PRKCE: variants seen among roughly 807,000 people sequenced by gnomAD.
PRKCE encodes the protein protein kinase C epsilon type.
PRKCE carries 16 observed loss-of-function variants against 85.4 expected under a neutral mutation model. The observed-to-expected ratio is 0.19, with a 90% CI of 0.13 to 0.28. The LOEUF (loss-of-function observed/expected upper bound fraction) is 0.28. PRKCE is among the 10% of genes least tolerant of loss of function. The probability of loss-of-function intolerance (pLI) is 1.00; values close to 1 mark genes in which losing one functional copy is unlikely to be tolerated. For synonymous variants in PRKCE, 388 were observed against 371.5 expected (o/e 1.04, Z -0.51); for missense variants, 573 against 975.2 (o/e 0.59, Z 5.49).
At chr2:46,085,466 C>T (rs1669504659) in intron 10 of PRKCE, among the ~76,000 whole-genome samples, 1 of 152,156 alleles carries the variant, frequency 6.6e-6, no homozygotes, top group Non-Finnish European at 1.5e-5. Flanking sequence ...CATCACTGGG[C>T]CTACATGAAG....
intron 1 of PRKCE, among the ~76,000 whole-genome samples, chr2:45,686,716 A>G (rs1339244288): frequency 6.6e-6 from 1 of 152,226 alleles, no homozygotes; most frequent in Non-Finnish European, 1.5e-5. Context: ...TACTGAATAT[A>G]GTTTAATATA....
intron 1 of PRKCE, among the ~76,000 whole-genome samples, chr2:45,841,223 A>G (rs1330411528): frequency 6.6e-6 from 1 of 152,238 alleles, no homozygotes; most frequent in African/African-American, 2.4e-5. Flanking sequence ...GTTTATTAGG[A>G]GAATTGACTC....
In PRKCE at chr2:45,693,141, G is replaced by A. The variant is rs553139275; in HGVS notation, c.348+40693G>A. On this transcript the variant is annotated intron_variant, in intron 1 of 14. Coordinates refer to ENST00000306156, the MANE Select transcript of PRKCE (RefSeq NM_005400.3). ...AGGGGAGTGAAGTAGGTGGGAGGTG[G>A]CAATGGATGGGTGGGTGGGAGAAGG... Among the ~76,000 whole-genome samples, 4 of 152,092 alleles carry A rather than the reference G, an allele frequency of 2.6e-5. No individual in the cohort carries two copies. The South Asian group carries it at 8.3e-4, about 32-fold the overall frequency.
chr2:45,907,200 A>T lies in PRKCE; in HGVS notation c.412+64137A>T, dbSNP rs561987489. 1.3e-5 allele frequency among the ~76,000 whole-genome samples: 2 copies of T among 152,242 alleles called. No homozygotes were observed. The highest frequency in any genetic ancestry group is 4.8e-5 in the African/African-American group (2 of 41,460). ...GGAAAGAAAGCCCGAGAGAAGAGAA[A>T]AATGAAGCTTTAACTATCACAGAGC... On this transcript the variant is annotated intron_variant, in intron 2 of 14. Transcript: ENST00000306156. The surrounding 1 kb of genome is among the most constrained non-coding windows in gnomAD (Gnocchi z 4.5).
chr2:45,798,890 G>T (rs867818655), intron 1 of PRKCE, among the ~76,000 whole-genome samples: 2 of 151,716 alleles, frequency 1.3e-5, no homozygotes, highest in Non-Finnish European at 2.9e-5. Flanking sequence ...AGCATTGGCC[G>T]GGCACGGTGG....
chr2:45,769,347 G>T (rs375688189), intron 1 of PRKCE, among the ~76,000 whole-genome samples: 6 of 151,986 alleles, frequency 3.9e-5, no homozygotes, highest in Admixed American at 3.3e-4. Context: ...CTTTTGTTAG[G>T]TGTTAGGGCT....
intron 10 of PRKCE, among the ~76,000 whole-genome samples, chr2:46,025,985 G>A (rs1238731471): frequency 2.0e-5 from 3 of 152,214 alleles, no homozygotes; most frequent in African/African-American, 7.2e-5. Context: ...GCCATAGGCA[G>A]AAGCAAACTG....
chr2:45,869,778 G>T (rs1236774933), intron 2 of PRKCE, among the ~76,000 whole-genome samples: 1 of 140,362 alleles, frequency 7.1e-6, no homozygotes, highest in African/African-American at 2.6e-5. Context: ...CATGATCTAG[G>T]CTCACTGCAA....
intron 2 of PRKCE, among the ~76,000 whole-genome samples, chr2:45,938,132 A>G (rs183803957): frequency 3.3e-4 from 50 of 152,276 alleles, no homozygotes; most frequent in Non-Finnish European, 6.2e-4. Context: ...ATGAAGAATT[A>G]AAGACTGTTC....
chr2:45,779,475 C>T (rs1030959151), intron 1 of PRKCE, among the ~76,000 whole-genome samples: 1 of 152,042 alleles, frequency 6.6e-6, no homozygotes, highest in African/African-American at 2.4e-5. Flanking sequence ...GTCTGGGATA[C>T]AGAGCCTGCG....
At chr2:45,830,227 A>G (rs1037111402) in intron 1 of PRKCE, among the ~76,000 whole-genome samples, 5 of 152,140 alleles carry the variant, frequency 3.3e-5, no homozygotes, top group Non-Finnish European at 5.9e-5. Flanking sequence ...AGATCCCACC[A>G]TCTAACCCTA....
chr2:46,043,904 C>T (rs976003809), intron 10 of PRKCE, among the ~76,000 whole-genome samples: 9 of 152,154 alleles, frequency 5.9e-5, no homozygotes, highest in Non-Finnish European at 1.5e-5. Context: ...CATCTCAAAG[C>T]GGATGCCGAA....
At chr2:46,097,519 CAAAA>C (rs66634467) in intron 11 of PRKCE, among the ~76,000 whole-genome samples, 5 of 94,116 alleles carry the variant, frequency 5.3e-5, no homozygotes, top group Admixed American at 9.7e-5. Context: ...GACTCCGTCT[CAAAA>C]AAAAAAAAAA....
chr2:46,060,731 T>A (rs978960803), intron 10 of PRKCE, among the ~76,000 whole-genome samples: 5 of 151,830 alleles, frequency 3.3e-5, no homozygotes, highest in African/African-American at 1.2e-4. Flanking sequence ...ATAGTCAGAT[T>A]TTTTTCTCTC....
chr2:45,994,047 T>A (rs1427007851), intron 6 of PRKCE, among the ~76,000 whole-genome samples: 1 of 152,110 alleles, frequency 6.6e-6, no homozygotes, highest in African/African-American at 2.4e-5. Context: ...CCAGGTTATG[T>A]AGAGCATTAC....
At chr2:45,691,019 C>T (rs1391364693) in intron 1 of PRKCE, among the ~76,000 whole-genome samples, 4 of 152,302 alleles carry the variant, frequency 2.6e-5, no homozygotes, top group Admixed American at 2.6e-4. Context: ...ATGGGAAAAG[C>T]CTGAACTTCG....
intron 2 of PRKCE, among the ~76,000 whole-genome samples, chr2:45,865,200 C>T (rs1366337430): frequency 6.6e-6 from 1 of 152,128 alleles, no homozygotes; most frequent in East Asian, 1.9e-4. Context: ...GTGGAACAGG[C>T]TTTATGTAGA....
At chr2:45,983,710 T>C (rs1425925447) in intron 5 of PRKCE, among the ~76,000 whole-genome samples, 1 of 152,086 alleles carries the variant, frequency 6.6e-6, no homozygotes, top group Non-Finnish European at 1.5e-5. Context: ...ACTGAGATAA[T>C]GGTGCCTGGT....
chr2:45,696,772 G>A (rs1472424912), intron 1 of PRKCE, among the ~76,000 whole-genome samples: 1 of 152,134 alleles, frequency 6.6e-6, no homozygotes, highest in Non-Finnish European at 1.5e-5. Context: ...GTGAAATCTG[G>A]CCACCATGCG....
Sources: allele counts gnomAD v4.1 joint callset (sites outside exome capture counted in the v4.1 genomes callset), GRCh38; gene constraint gnomAD v4.1.1; non-coding constraint Gnocchi (gnomAD v3.1); transcripts MANE v1.5; gene names NCBI Gene and HGNC (gene_info 2026-07-23, HGNC 2026-07-21).